The following RBM46 variants were observed in gnomAD, a reference collection of about 807,000 sequenced individuals.
RBM46 encodes the protein probable RNA-binding protein 46.
Under a neutral mutation model 43.3 loss-of-function variants are expected in RBM46, and 12 were observed. That is an observed-to-expected ratio of 0.28 (90% confidence interval 0.18 to 0.45). RBM46 has a LOEUF of 0.45. RBM46 is among the 20% of genes least tolerant of loss of function. RBM46 has a pLI of 1.00. For missense variants in RBM46, 412 were observed against 639.1 expected, an observed-to-expected ratio of 0.64 and a Z score of 3.83; for synonymous variants, 205 against 207.6, an observed-to-expected ratio of 0.99 and a Z score of 0.11.
intron 1 of RBM46, among the ~76,000 whole-genome samples, chr4:154,795,732 A>T (rs1417210863): frequency 6.6e-6 from 1 of 152,184 alleles, no homozygotes; most frequent in Non-Finnish European, 1.5e-5. Flanking sequence ...TATCACCTTG[A>T]TAGCATTATG....
intron 4 of RBM46, among the ~76,000 whole-genome samples, chr4:154,815,161 TG>T (rs1735370361): frequency 6.6e-6 from 1 of 152,080 alleles, no homozygotes; most frequent in South Asian, 2.1e-4. Context: ...GTAGCAGTAC[TG>T]TTCATTTGCT....
At position 154,799,182 on chromosome 4, in the gene RBM46, C is replaced by T. The variant is rs761851365; in HGVS notation, c.1020C>T (p.His340=). 1.9e-6 allele frequency: 3 copies of T among 1,614,090 alleles called. No homozygotes were observed. Among genetic ancestry groups the T allele is most frequent in the Non-Finnish European group, 2.5e-6 (3 of 1,180,022 alleles). The change falls in exon 4 of 5, where the codon CAC becomes CAT. Residue 340 remains histidine (H), a synonymous_variant. Coordinates refer to ENST00000281722, the MANE Select transcript of RBM46 (RefSeq NM_144979.5). The stretch of plus-strand genomic sequence containing the variant: ...TGTTTGCTAACAAAGAAGAGAGCCA[C>T]CCAAAAACTCTAGGCAAGCTGCCAA... ...LIVFANKEES[H]PKTLGKLPTL...
intron 4 of RBM46, among the ~76,000 whole-genome samples, chr4:154,825,261 A>G (rs775225888): frequency 6.6e-6 from 1 of 152,148 alleles, no homozygotes; most frequent in Non-Finnish European, 1.5e-5. Flanking sequence ...TTTTCTGAAA[A>G]TTAGAATTTC....
intron 4 of RBM46, among the ~76,000 whole-genome samples, chr4:154,805,779 TAAG>T (rs1416954279): frequency 1.3e-5 from 2 of 152,078 alleles, no homozygotes; most frequent in East Asian, 3.9e-4. Context: ...TTTTTTAACT[TAAG>T]AAATAATTCT....
At chr4:154,808,031 T>A (rs540784182) in intron 4 of RBM46, among the ~76,000 whole-genome samples, 1 of 152,120 alleles carries the variant, frequency 6.6e-6, no homozygotes, top group East Asian at 1.9e-4. Context: ...TGTACTACAC[T>A]AATAATATTA....
rs756192399 is a variant in RBM46 at position 154,798,290 on chromosome 4, G to A, written c.619+12G>A. On this transcript the variant is annotated intron_variant, in intron 3 of 4. Coordinates refer to ENST00000281722, the MANE Select transcript of RBM46 (RefSeq NM_144979.5). Reference sequence around the variant, plus strand: ...GAAACTAATTCCAGGTAAACTGAAAGGTTGTTTTTCAATATTAACATTATT... The same window carrying A: ...GAAACTAATTCCAGGTAAACTGAAAAGTTGTTTTTCAATATTAACATTATT... The A allele has an allele frequency of 4.6e-6, 7 of 1,525,470 alleles. No homozygotes were observed. Among genetic ancestry groups the A allele is most frequent in the Non-Finnish European group, 6.2e-6 (7 of 1,131,418 alleles). 94.5% of individuals were successfully genotyped at this position (1,525,470 alleles called of 1,614,324 possible).
At chr4:154,806,586 GTT>G (rs1734916433) in intron 4 of RBM46, among the ~76,000 whole-genome samples, 4 of 151,732 alleles carry the variant, frequency 2.6e-5, no homozygotes, top group South Asian at 4.2e-4. Context: ...TAATCCATCA[GTT>G]TAATATCCCT....
At chr4:154,814,811 A>AT (rs1171328627) in intron 4 of RBM46, among the ~76,000 whole-genome samples, 3 of 151,760 alleles carry the variant, frequency 2.0e-5, no homozygotes, top group African/African-American at 7.3e-5. Context: ...TCCTTTATAT[A>AT]TATCACTGGC....
At chr4:154,813,048 A>G (rs530847585) in intron 4 of RBM46, among the ~76,000 whole-genome samples, 29 of 152,284 alleles carry the variant, frequency 1.9e-4, no homozygotes, top group African/African-American at 6.7e-4. Flanking sequence ...TCCCTGCATT[A>G]TATGGGTGAG....
chr4:154,784,926 T>C (rs530311087), intron 1 of RBM46, among the ~76,000 whole-genome samples: 1 of 152,366 alleles, frequency 6.6e-6, no homozygotes, highest in South Asian at 2.1e-4. Context: ...GAATGTATTG[T>C]ATGCTTGTTT....
At chr4:154,806,383 C>G (rs1230076306) in intron 4 of RBM46, among the ~76,000 whole-genome samples, 1 of 151,642 alleles carries the variant, frequency 6.6e-6, no homozygotes, top group Non-Finnish European at 1.5e-5. Context: ...CTTCAATGTC[C>G]TCAGATCTAA....
intron 4 of RBM46, among the ~76,000 whole-genome samples, chr4:154,817,555 CT>C (rs1735513340): frequency 6.6e-6 from 1 of 152,116 alleles, no homozygotes. Flanking sequence ...TGGTCTCAAA[CT>C]CCTGACCTCA....
intron 1 of RBM46, among the ~76,000 whole-genome samples, chr4:154,793,168 T>A (rs1056662330): frequency 6.6e-6 from 1 of 152,226 alleles, no homozygotes; most frequent in African/African-American, 2.4e-5. Flanking sequence ...TTCTTGAATA[T>A]TTTTCCATAT....
chr4:154,798,915 A>G lies in RBM46; in HGVS notation c.753A>G (p.Thr251=), dbSNP rs1372241462. 2.5e-6 allele frequency: 4 copies of G among 1,613,594 alleles called. No homozygotes were observed. In the Admixed American group the frequency reaches 6.7e-5, roughly 27 times the overall value. The change falls in exon 4 of 5, where the codon ACA becomes ACG. Residue 251 remains threonine, a synonymous_variant. Transcript: ENST00000281722. ...RNLMISTTEE[T]IKAEFNKFKP... is the part of the protein sequence containing the mutation. ...TAATGATCTCAACTACAGAGGAAAC[A>G]ATTAAAGCAGAATTCAATAAATTTA...
chr4:154,794,342 G>A lies in RBM46; in HGVS notation c.-11-2400G>A, dbSNP rs546405906. ...ACTACAGGCACCCGCCACCACGCCC[G>A]GCTAAATTTTTCTATTTTTACTAGA... On this transcript the variant is annotated intron_variant, in intron 1 of 4. Transcript: ENST00000281722. Among the ~76,000 whole-genome samples, 56 of 151,830 alleles carry A rather than the reference G, an allele frequency of 3.7e-4. No individual in the cohort carries two copies. The South Asian group carries it at 4.4e-3, about 12-fold the overall frequency.
chr4:154,813,758 T>A (rs1412002087), intron 4 of RBM46, among the ~76,000 whole-genome samples: 1 of 152,004 alleles, frequency 6.6e-6, no homozygotes, highest in Non-Finnish European at 1.5e-5. Context: ...TTTAGTTTCC[T>A]AAAAATAGGA....
rs1018915248 is a variant in RBM46 at position 154,820,524 on chromosome 4, C to A, written c.1403-7344C>A. On this transcript the variant is annotated intron_variant, in intron 4 of 4. Coordinates refer to ENST00000281722, the MANE Select transcript of RBM46 (RefSeq NM_144979.5). ...GTTCTTTATAATGAAAAGAATGAAA[C>A]TTTATGAAGTATTTTTTATAATAGC... is the stretch of plus-strand genomic sequence containing the variant. 49 of 598,608 alleles carry A rather than the reference C, an allele frequency of 8.2e-5. No homozygotes were observed. In the African/African-American group the frequency reaches 9.0e-4, roughly 11 times the overall value. The allele number at this position is 598,608 out of a possible 1,614,324, so 37.1% of individuals were successfully genotyped here. A position where few individuals can be genotyped will look rare whatever the true frequency, so the allele number is the denominator to read the frequency against.
intron 4 of RBM46, among the ~76,000 whole-genome samples, chr4:154,807,052 C>T (rs1734940777): frequency 6.6e-6 from 1 of 151,772 alleles, no homozygotes. Context: ...GCAGCTACTG[C>T]TGTATTAATC....
intron 4 of RBM46, among the ~76,000 whole-genome samples, chr4:154,803,051 A>G (rs1337721142): frequency 6.6e-6 from 1 of 152,070 alleles, no homozygotes; most frequent in Non-Finnish European, 1.5e-5. Flanking sequence ...GCTGTTATGA[A>G]AAAAAATGTA....
Sources: gnomAD v4.1 joint callset for allele counts (sites outside exome capture counted in the v4.1 genomes callset) on GRCh38, gnomAD v4.1.1 for gene constraint, MANE v1.5 for transcripts, NCBI Gene and HGNC (gene_info 2026-07-23, HGNC 2026-07-21) for gene names.